Variants in FBXO16 observed in about 807,000 individuals in gnomAD.
FBXO16 encodes F-box protein 16, also known as F-box only protein 16.
A neutral mutation model predicts 41.0 loss-of-function variants in FBXO16; 31 were observed. The observed-to-expected ratio is 0.76, with a 90% CI of 0.57 to 1.02. The LOEUF is 1.02. FBXO16 is among the 50% of genes least tolerant of loss of function. The pLI is 0.00. For missense variants in FBXO16, 361 were observed against 346.2 expected (o/e 1.04, Z -0.34); for synonymous variants, 133 against 117.8 (o/e 1.13, Z -0.84).
intron 8 of FBXO16, 47 bp from the exon 9 acceptor site, chr8:28,428,783 A>T: frequency 6.8e-7 from 1 of 1,464,248 alleles, no homozygotes. Flanking sequence ...TTGAAATACC[A>T]AGGGAGCTAT....
intron 8 of FBXO16, 147 bp from the exon 9 acceptor site, chr8:28,428,883 C>T (rs1178339997): frequency 2.8e-5 from 26 of 930,852 alleles, no homozygotes; most frequent in Non-Finnish European, 3.1e-5. Context: ...CTTCACTCCC[C>T]TCTGCCCCCA....
intron 3 of FBXO16, among the ~76,000 whole-genome samples, chr8:28,473,086 G>A (rs919662331): frequency 6.6e-6 from 1 of 152,206 alleles, no homozygotes; most frequent in Non-Finnish European, 1.5e-5. Flanking sequence ...TACCAGGAAA[G>A]CTGATGGTAG....
intron 7 of FBXO16, among the ~76,000 whole-genome samples, chr8:28,434,964 T>G (rs1192428807): frequency 2.6e-5 from 4 of 152,200 alleles, no homozygotes; most frequent in Non-Finnish European, 5.9e-5. Context: ...CTCTTTTAGT[T>G]CCGTTGTCCA....
In FBXO16 at chr8:28,429,403, T is replaced by C; in HGVS notation, c.844A>G (p.Met282Val). 1 of 1,613,874 alleles carries C rather than the reference T, an allele frequency of 6.2e-7. No homozygotes were observed. Among genetic ancestry groups the C allele is most frequent in the Non-Finnish European group, 8.5e-7 (1 of 1,179,916 alleles). ...AGTGGGAAGGGATTTCTCCTCGACA[T>C]CTGGCCGCGAGCAGGAAAGGGAAGA... is the stretch of plus-strand genomic sequence containing the variant. ...RTRLRKAQSM[M>V]SRRNPFPLCP The change falls in exon 8 of 9, where the codon ATG (methionine) becomes GTG (valine). Residue 282 changes from methionine (M) to valine (V), a missense_variant and splice_region_variant. Met to Val is a conservative substitution (Grantham distance 21, BLOSUM62 1). Coordinates refer to ENST00000380254, the MANE Select transcript of FBXO16 (RefSeq NM_172366.4).
chr8:28,483,418 G>GTTTTTTGTC lies in FBXO16; in HGVS notation c.28_29insGACAAAAAA (p.Asn9_Thr10insArgGlnLys). ...CTTTGTCTGCATTTTGGGACCATCT[G>GTTTTTTGTC]TGTTTTTTGGAGGTGCAAATGCCAT... On this transcript the variant is annotated inframe_insertion, in exon 2 of 9. Coordinates refer to ENST00000380254, the MANE Select transcript of FBXO16 (RefSeq NM_172366.4). 6.2e-7 allele frequency: 1 copy of GTTTTTTGTC among 1,614,090 alleles called. No individual in the cohort carries two copies. Among genetic ancestry groups the GTTTTTTGTC allele is most frequent in the South Asian group, 1.1e-5 (1 of 91,082 alleles).
chr8:28,480,557 G>A (rs576393840), intron 2 of FBXO16, among the ~76,000 whole-genome samples: 2 of 151,644 alleles, frequency 1.3e-5, no homozygotes, highest in East Asian at 3.9e-4. Context: ...GGCACTGAGT[G>A]TAGTGGTGCA....
At chr8:28,469,793 C>G (rs2130172776) in intron 3 of FBXO16, among the ~76,000 whole-genome samples, 1 of 152,246 alleles carries the variant, frequency 6.6e-6, no homozygotes, top group South Asian at 2.1e-4. Flanking sequence ...CCCAGCTACT[C>G]AGGAGGCTGA....
rs181809395 is a variant in FBXO16 at position 28,444,366 on chromosome 8, G to A, written c.843+2805C>T. Among the ~76,000 whole-genome samples the A allele has an allele frequency of 3.6e-3, 543 of 149,082 alleles. 5 individuals carry two copies. Among genetic ancestry groups the A allele is most frequent in the African/African-American group, 0.01 (412 of 40,308 alleles). Reference sequence around the variant, plus strand: ...CACCCAGGCTGGAGTGCAGTGGCGCGATCTCGGCTCACTGCAACCTCCGCC... The same window carrying A: ...CACCCAGGCTGGAGTGCAGTGGCGCAATCTCGGCTCACTGCAACCTCCGCC... On this transcript the variant is annotated intron_variant, in intron 7 of 8. Transcript: ENST00000380254.
chr8:28,466,011 C>T (rs372627935), intron 3 of FBXO16, among the ~76,000 whole-genome samples: 5 of 151,962 alleles, frequency 3.3e-5, no homozygotes, highest in East Asian at 1.9e-4. Flanking sequence ...AGGCCGAGGC[C>T]GGTGGATTAC....
chr8:28,472,346 CT>C (rs1803351737), intron 3 of FBXO16, among the ~76,000 whole-genome samples: 1 of 152,198 alleles, frequency 6.6e-6, no homozygotes, highest in Non-Finnish European at 1.5e-5. Context: ...AGCTCTCCTC[CT>C]CCCTCAGCCT....
At chr8:28,458,466 G>A (rs1338729099) in intron 4 of FBXO16, among the ~76,000 whole-genome samples, 5 of 151,862 alleles carry the variant, frequency 3.3e-5, no homozygotes, top group Admixed American at 2.6e-4. Context: ...GAATTCAATG[G>A]AGAGATGGAG....
At chr8:28,479,973 C>T (rs1325539472) in intron 2 of FBXO16, among the ~76,000 whole-genome samples, 4 of 151,566 alleles carry the variant, frequency 2.6e-5, no homozygotes, top group Non-Finnish European at 2.9e-5. Flanking sequence ...TGGCCTCAAG[C>T]GATCCACCGG....
chr8:28,463,930 T>C (rs1185898957), intron 3 of FBXO16, 112 bp from the exon 4 acceptor site: 1 of 1,020,602 alleles, frequency 9.8e-7, no homozygotes, highest in African/African-American at 1.6e-5. Flanking sequence ...GTAATTTATT[T>C]CTAGTATTTA....
intron 4 of FBXO16, among the ~76,000 whole-genome samples, chr8:28,463,102 A>C (rs1323207976): frequency 6.6e-6 from 1 of 152,166 alleles, no homozygotes; most frequent in Admixed American, 6.5e-5. Context: ...CAAATGTACA[A>C]ACATATTGAT....
intron 1 of FBXO16, among the ~76,000 whole-genome samples, chr8:28,485,883 G>A (rs200913048): frequency 3.3e-5 from 5 of 152,080 alleles, no homozygotes; most frequent in Non-Finnish European, 7.4e-5. Context: ...TGAGGCAGGC[G>A]GATCACCTGA....
chr8:28,479,134 T>C (rs573169066), intron 2 of FBXO16, among the ~76,000 whole-genome samples: 11 of 152,294 alleles, frequency 7.2e-5, no homozygotes, highest in African/African-American at 2.4e-4. Flanking sequence ...TGTGAGCCAA[T>C]TAAACCTCTT....
chr8:28,486,935 T>A (rs1347774481), intron 1 of FBXO16, among the ~76,000 whole-genome samples: 1 of 152,006 alleles, frequency 6.6e-6, no homozygotes, highest in Non-Finnish European at 1.5e-5. Context: ...CTATGAATTC[T>A]CCCCCTAGAA....
chr8:28,462,959 T>A (rs918274366), intron 4 of FBXO16, among the ~76,000 whole-genome samples: 7 of 152,260 alleles, frequency 4.6e-5, no homozygotes, highest in African/African-American at 1.7e-4. Context: ...GTCCTGCTGA[T>A]GAACCATTTC....
rs533303999 is a variant in FBXO16 at position 28,481,487 on chromosome 8, G to A, written c.99+1861C>T. 7.2e-5 allele frequency among the ~76,000 whole-genome samples: 11 copies of A among 152,214 alleles called. No individual in the cohort carries two copies. In the East Asian group the frequency reaches 1.9e-3, roughly 27 times the overall value. ...CTTCTCTGTGTGCCTCTCACACTCC[G>A]AAACATCTTGGCATGCCAAGAATGC... On this transcript the variant is annotated intron_variant, in intron 2 of 8. Transcript: ENST00000380254.
Sources: allele counts gnomAD v4.1 joint callset (sites outside exome capture counted in the v4.1 genomes callset), GRCh38; gene constraint gnomAD v4.1.1; transcripts MANE v1.5; gene names NCBI Gene and HGNC (gene_info 2026-07-23, HGNC 2026-07-21).